ITPR1: variants seen among roughly 807,000 people sequenced by gnomAD.
ITPR1 encodes the protein inositol 1,4,5-trisphosphate-gated calcium channel ITPR1.
ITPR1 carries 96 observed loss-of-function variants against 318.4 expected under a neutral mutation model. That is an observed-to-expected ratio of 0.30 (90% confidence interval 0.26 to 0.36). The LOEUF is 0.36. Ranked by LOEUF, ITPR1 falls within the 10% of genes least tolerant of loss-of-function variation. The pLI is 1.00. For synonymous variants in ITPR1, 1,312 were observed against 1,289.9 expected, an observed-to-expected ratio of 1.02 and a Z score of -0.37; for missense variants, 2,440 against 3,460.2, an observed-to-expected ratio of 0.71 and a Z score of 7.40.
chr3:4,775,494 A>T, intron 47 of ITPR1, 52 bp downstream of exon 47: 1 of 1,385,610 alleles, frequency 7.2e-7, no homozygotes, highest in East Asian at 2.3e-5. Context: ...CATTTTGGAA[A>T]TGTTGATAGA....
At chr3:4,643,429 A>G (rs764803818) in intron 7 of ITPR1, among the ~76,000 whole-genome samples, 1 of 152,166 alleles carries the variant, frequency 6.6e-6, no homozygotes, top group Non-Finnish European at 1.5e-5. Flanking sequence ...GGCTTAGTTG[A>G]GAAGATGAGA....
At chr3:4,743,289 T>C (rs1258845168) in intron 44 of ITPR1, among the ~76,000 whole-genome samples, 1 of 152,196 alleles carries the variant, frequency 6.6e-6, no homozygotes, top group Non-Finnish European at 1.5e-5. Context: ...GGATTATTGG[T>C]CTAAATCCAG....
chr3:4,623,633 T>C (rs2092719451), intron 4 of ITPR1, among the ~76,000 whole-genome samples: 1 of 152,254 alleles, frequency 6.6e-6, no homozygotes, highest in Non-Finnish European at 1.5e-5. Context: ...AGTGCAAGTT[T>C]AATTTTGCTC....
Position 4,652,126 on chromosome 3 carries a change from G to T in ITPR1, c.859G>T (p.Val287Phe), listed in dbSNP as rs2093610594. The T allele has an allele frequency of 6.2e-7, 1 of 1,610,746 alleles. No homozygotes were observed. The highest frequency in any genetic ancestry group is 1.3e-5 in the African/African-American group (1 of 74,902). ...CTCCTGTTGATCATTCTTGCAGGTGGTCCAGCATGACCCATGTCGGGGCGG... is the reference window on the plus strand; with the variant it reads ...CTCCTGTTGATCATTCTTGCAGGTGTTCCAGCATGACCCATGTCGGGGCGG... ...SSKALWEVEV[V>F]QHDPCRGGAG... Residue 287 changes from valine to phenylalanine, a missense_variant, in exon 11 of 62, where the codon GTC becomes TTC. Transcript: ENST00000649015.
At chr3:4,657,714 T>G (rs1302827031) in intron 12 of ITPR1, among the ~76,000 whole-genome samples, 1 of 36 alleles carries the variant, frequency 0.028, no homozygotes, top group Non-Finnish European at 0.062. Flanking sequence ...TCTGCCTGCC[T>G]TGGCCCTCCC....
At chr3:4,831,453 C>G (rs1301706992) in intron 60 of ITPR1, 1 of 167,658 alleles carries the variant, frequency 6.0e-6, no homozygotes, top group African/African-American at 2.4e-5. Flanking sequence ...GAGATGCCAG[C>G]AGCAAGGAGT....
chr3:4,724,887 A>C (rs1321154235), intron 40 of ITPR1, among the ~76,000 whole-genome samples: 1 of 152,142 alleles, frequency 6.6e-6, no homozygotes, highest in East Asian at 1.9e-4. Flanking sequence ...GGAAACCCAG[A>C]CCATGAAGCC....
intron 46 of ITPR1, among the ~76,000 whole-genome samples, chr3:4,771,434 G>A (rs2046176498): frequency 6.6e-6 from 1 of 152,216 alleles, no homozygotes; most frequent in African/African-American, 2.4e-5. Flanking sequence ...CTGGTGGTAT[G>A]GGCCTGCTCC....
At chr3:4,622,945 T>A (rs1174838650) in intron 4 of ITPR1, among the ~76,000 whole-genome samples, 1 of 152,214 alleles carries the variant, frequency 6.6e-6, no homozygotes, top group Non-Finnish European at 1.5e-5. Flanking sequence ...TACAGTCTAG[T>A]GGTGAAAGTT....
rs1430152223 is a variant in ITPR1 at position 4,702,962 on chromosome 3, A to T, written c.4657+12A>T. The T allele has an allele frequency of 6.2e-7, 1 of 1,613,056 alleles. No homozygotes were observed. The highest frequency in any genetic ancestry group is 1.1e-5 in the South Asian group (1 of 91,028). On this transcript the variant is annotated intron_variant, in intron 36 of 61. Coordinates refer to ENST00000649015, the MANE Select transcript of ITPR1 (RefSeq NM_001378452.1). ...GCTGTCTGATGTAGGTAAGATACCA[A>T]GTCAGTTTGGATATACGTGATGAAA...
chr3:4,820,864 C>A (rs940129796), intron 60 of ITPR1, among the ~76,000 whole-genome samples: 4 of 151,984 alleles, frequency 2.6e-5, no homozygotes, highest in Admixed American at 2.6e-4. Context: ...ATCAGGGTAG[C>A]GGCTGGGGTG....
At chr3:4,624,163 G>A (rs1243257035) in intron 4 of ITPR1, among the ~76,000 whole-genome samples, 1 of 152,140 alleles carries the variant, frequency 6.6e-6, no homozygotes, top group Non-Finnish European at 1.5e-5. Context: ...ATACCACTTA[G>A]TGTCATCATA....
chr3:4,590,655 C>A (rs2090324211), intron 4 of ITPR1, among the ~76,000 whole-genome samples: 2 of 152,006 alleles, frequency 1.3e-5, no homozygotes, highest in Middle Eastern at 3.4e-3. Context: ...CTCAAGCGAT[C>A]CTCTTGAATA....
chr3:4,504,625 G>T (rs1029193082), intron 2 of ITPR1, among the ~76,000 whole-genome samples: 1 of 152,070 alleles, frequency 6.6e-6, no homozygotes, highest in Non-Finnish European at 1.5e-5. Flanking sequence ...GGAGGAGGGT[G>T]GCATTATGTC....
chr3:4,814,594 A>ATG, intron 58 of ITPR1, 32 bp downstream of exon 58: 3 of 558,594 alleles, frequency 5.4e-6, no homozygotes, highest in Non-Finnish European at 8.5e-6. Context: ...GGAAGGGCAA[A>ATG]GGGGGCGGGT....
Position 4,493,389 on chromosome 3 carries a change from C to G in ITPR1, c.-309C>G, listed in dbSNP as rs951477393. On this transcript the variant is annotated 5_prime_UTR_variant, in exon 1 of 62. Coordinates refer to ENST00000649015, the MANE Select transcript of ITPR1 (RefSeq NM_001378452.1). Reference sequence around the variant, plus strand: ...TGTGCTGCTGAAGCGTTTCCTCAAGCTCGCTGGGGTGGGAGGAGAGGAGGA... The same window carrying G: ...TGTGCTGCTGAAGCGTTTCCTCAAGGTCGCTGGGGTGGGAGGAGAGGAGGA... 2 of 154,384 alleles carry G rather than the reference C, an allele frequency of 1.3e-5. No homozygotes were observed. Among genetic ancestry groups the G allele is most frequent in the Admixed American group, 6.5e-5 (1 of 15,282 alleles). The allele number at this position is 154,384 out of a possible 1,614,324, so 9.6% of individuals were successfully genotyped here.
intron 24 of ITPR1, among the ~76,000 whole-genome samples, 178 bp downstream of exon 24, chr3:4,676,979 C>G (rs149061233): frequency 2.8e-3 from 424 of 152,312 alleles, no homozygotes; most frequent in South Asian, 0.012. Flanking sequence ...CTGCTTTCTC[C>G]TACCCTCCCA....
Position 4,642,104 on chromosome 3 carries a change from G to C in ITPR1, c.378G>C (p.Leu126Phe). 1 of 1,586,984 alleles carries C rather than the reference G, an allele frequency of 6.3e-7. No homozygotes were observed. The highest frequency in any genetic ancestry group is 8.6e-7 in the Non-Finnish European group (1 of 1,168,554). Reference protein sequence around the residue: ...QYGNVIQLLHLKSNKYLTVNK... With the variant: ...QYGNVIQLLHFKSNKYLTVNK... Reference sequence around the variant, plus strand: ...TGGTGGGTTTTTAGCTCCTGCATTTGAAAAGTAATAAATACCTAACAGTGA... The same window carrying C: ...TGGTGGGTTTTTAGCTCCTGCATTTCAAAAGTAATAAATACCTAACAGTGA... The change falls in exon 7 of 62, where the codon TTG (leucine) becomes TTC (phenylalanine). Residue 126 changes from leucine (L) to phenylalanine (F), a missense_variant. Coordinates refer to ENST00000649015, the MANE Select transcript of ITPR1 (RefSeq NM_001378452.1).
chr3:4,641,767 C>T (rs1335100096), intron 6 of ITPR1, among the ~76,000 whole-genome samples: 1 of 152,232 alleles, frequency 6.6e-6, no homozygotes, highest in East Asian at 1.9e-4. Flanking sequence ...AGTTCCTTAG[C>T]CCGTTCACAT....
Sources: gnomAD v4.1 joint callset for allele counts (sites outside exome capture counted in the v4.1 genomes callset) on GRCh38, gnomAD v4.1.1 for gene constraint, MANE v1.5 for transcripts, NCBI Gene and HGNC (gene_info 2026-07-23, HGNC 2026-07-21) for gene names.